The following BAZ2B variants were observed in gnomAD, a reference collection of about 807,000 sequenced individuals.
BAZ2B encodes the protein bromodomain adjacent to zinc finger domain protein 2B.
Under a neutral mutation model 246.0 loss-of-function variants are expected in BAZ2B, and 91 were observed. The observed-to-expected ratio is 0.37, with a 90% CI of 0.31 to 0.44. The LOEUF (loss-of-function observed/expected upper bound fraction) is 0.44, where lower values mean the gene tolerates loss of function less well. Ranked by LOEUF, BAZ2B falls within the 20% of genes least tolerant of loss-of-function variation. The pLI, the probability that BAZ2B is intolerant of heterozygous loss-of-function variation, is 1.00. For synonymous variants in BAZ2B, 855 were observed against 860.0 expected (o/e 0.99, Z 0.10); for missense variants, 2,332 against 2,533.7 (o/e 0.92, Z 1.71).
intron 31 of BAZ2B, among the ~76,000 whole-genome samples, chr2:159,344,227 A>G (rs941623632): frequency 3.9e-5 from 6 of 151,982 alleles, no homozygotes; most frequent in African/African-American, 1.5e-4. Flanking sequence ...TCCAAAGGAA[A>G]AGAAAATTGT....
At chr2:159,609,848 G>A (rs1463729699) in intron 1 of BAZ2B, among the ~76,000 whole-genome samples, 1 of 151,840 alleles carries the variant, frequency 6.6e-6, no homozygotes, top group African/African-American at 2.4e-5. Flanking sequence ...CCATGTGAGT[G>A]GAATGGTTTA....
the BAZ2B span, among the ~76,000 whole-genome samples, chr2:159,636,850 G>T: frequency 6.6e-6 from 1 of 152,160 alleles, no homozygotes; most frequent in African/African-American, 2.4e-5. Flanking sequence ...TTGGAAACCA[G>T]CTCAATCACA....
At chr2:159,539,630 G>A (rs979381077) in intron 2 of BAZ2B, among the ~76,000 whole-genome samples, 1 of 152,102 alleles carries the variant, frequency 6.6e-6, no homozygotes, top group African/African-American at 2.4e-5. Context: ...CCAGCACTTG[G>A]AGTCAAAGGC....
intron 6 of BAZ2B, among the ~76,000 whole-genome samples, chr2:159,443,799 T>C (rs1053276675): frequency 1.8e-4 from 28 of 152,176 alleles, no homozygotes; most frequent in Non-Finnish European, 3.5e-4. Flanking sequence ...TATGTTCTCC[T>C]AGTAACAGTT....
At chr2:159,382,867 A>G (rs2302927) in intron 24 of BAZ2B, 65 bp from the exon 25 acceptor site, 650,370 of 1,547,598 alleles carry the variant, frequency 0.42, 146,162 homozygotes, top group Non-Finnish European at 0.47. Flanking sequence ...TTAAAAGAGC[A>G]AAACATGAGT....
intron 1 of BAZ2B, among the ~76,000 whole-genome samples, chr2:159,576,912 C>CAA (rs34337483): frequency 0.36 from 18,489 of 50,752 alleles, 3,334 homozygotes; most frequent in South Asian, 0.43. Context: ...GACTGTGTCT[C>CAA]AAAAAAAAAA....
chr2:159,352,180 C>T (rs1019590121), intron 27 of BAZ2B, among the ~76,000 whole-genome samples: 1 of 152,174 alleles, frequency 6.6e-6, no homozygotes, highest in African/African-American at 2.4e-5. Flanking sequence ...GCTTCTTGAA[C>T]ATGCTAAGTT....
At chr2:159,475,878 A>G (rs539755480) in intron 3 of BAZ2B, among the ~76,000 whole-genome samples, 17 of 152,310 alleles carry the variant, frequency 1.1e-4, no homozygotes, top group African/African-American at 4.1e-4. Context: ...GAGGGTGCAG[A>G]ACAGCAAAGA....
At chr2:159,631,094 G>A in the BAZ2B span, among the ~76,000 whole-genome samples, 2 of 152,180 alleles carry the variant, frequency 1.3e-5, no homozygotes, top group Non-Finnish European at 1.5e-5. Flanking sequence ...TACTCAGGAA[G>A]TTGAGGTGGG....
At chr2:159,584,294 GTA>G (rs374727150) in intron 1 of BAZ2B, among the ~76,000 whole-genome samples, 189 of 152,198 alleles carry the variant, frequency 1.2e-3, no homozygotes, top group African/African-American at 4.4e-3. Flanking sequence ...GCTAATTTTT[GTA>G]TTTTTAGCAG....
the BAZ2B span, among the ~76,000 whole-genome samples, chr2:159,697,508 A>AG: frequency 1.3e-5 from 2 of 152,202 alleles, no homozygotes; most frequent in African/African-American, 4.8e-5. Context: ...CTTGCTTTTT[A>AG]GGGGCTTTCT....
intron 34 of BAZ2B, among the ~76,000 whole-genome samples, chr2:159,331,520 A>G (rs2148898560): frequency 6.6e-6 from 1 of 152,298 alleles, no homozygotes; most frequent in African/African-American, 2.4e-5. Context: ...GGCATGTGCC[A>G]CCACTAATTT....
At chr2:159,342,520 A>G (rs2066906320) in intron 31 of BAZ2B, among the ~76,000 whole-genome samples, 1 of 152,172 alleles carries the variant, frequency 6.6e-6, no homozygotes, top group Non-Finnish European at 1.5e-5. Context: ...TCCTGAGCTC[A>G]AGTGATCCTC....
rs544293694 is a variant in BAZ2B, at chr2:159,576,242, C to T, written c.-45-20377G>A. On this transcript the variant is annotated intron_variant, in intron 1 of 36. Transcript: ENST00000392783. ...TCAACTGTAAGTAGAACAAATATAC[C>T]CACCTAAAAGAATTCTTGTGAGGAT... 6.6e-5 allele frequency among the ~76,000 whole-genome samples: 10 copies of T among 151,930 alleles called. No individual in the cohort carries two copies. In the South Asian group the frequency reaches 8.3e-4, roughly 13 times the overall value.
intron 27 of BAZ2B, among the ~76,000 whole-genome samples, chr2:159,354,899 C>T (rs536882778): frequency 3.3e-5 from 5 of 152,276 alleles, no homozygotes; most frequent in Admixed American, 2.6e-4. Flanking sequence ...AACTGCAGTA[C>T]ACAATGACAA....
At position 159,506,199 on chromosome 2, in the gene BAZ2B, C is replaced by T. The variant is rs990722371; in HGVS notation, c.-2-27478G>A. Among the ~76,000 whole-genome samples the T allele has an allele frequency of 2.6e-5, 4 of 152,094 alleles. No individual in the cohort carries two copies. The East Asian group carries it at 7.7e-4, about 29-fold the overall frequency. On this transcript the variant is annotated intron_variant, in intron 2 of 36. Transcript: ENST00000392783. ...AATTTCTACAAGGACATGTGACTACCTGGGTAAGGCTCTCTACCCATGAAT... is the reference window on the plus strand; with the variant it reads ...AATTTCTACAAGGACATGTGACTACTTGGGTAAGGCTCTCTACCCATGAAT...
intron 2 of BAZ2B, among the ~76,000 whole-genome samples, chr2:159,520,478 T>G (rs2084011258): frequency 6.6e-6 from 1 of 152,230 alleles, no homozygotes; most frequent in African/African-American, 2.4e-5. Context: ...TTCTCCTTAT[T>G]AGATCTTGAA....
intron 7 of BAZ2B, 53 bp from the exon 8 acceptor site, chr2:159,438,748 A>G: frequency 1.3e-6 from 2 of 1,507,284 alleles, no homozygotes; most frequent in Non-Finnish European, 8.8e-7. Context: ...GACAAAGACT[A>G]TCAAGCAGTA....
At chr2:159,560,042 T>C (rs1393224851) in intron 1 of BAZ2B, among the ~76,000 whole-genome samples, 1 of 152,190 alleles carries the variant, frequency 6.6e-6, no homozygotes, top group Non-Finnish European at 1.5e-5. Context: ...TTTTCAGCAA[T>C]CAGCACGTAC....
Sources: gnomAD v4.1 joint callset for allele counts (sites outside exome capture counted in the v4.1 genomes callset) on GRCh38, gnomAD v4.1.1 for gene constraint, MANE v1.5 for transcripts, NCBI Gene and HGNC (gene_info 2026-07-23, HGNC 2026-07-21) for gene names.